The following ANOS1 variants were observed in gnomAD, a reference collection of about 807,000 sequenced individuals.
ANOS1 encodes the protein anosmin-1.
A neutral mutation model predicts 59.0 loss-of-function variants in ANOS1; 6 were observed. That is an observed-to-expected ratio of 0.10 (90% CI 0.06 to 0.20). The LOEUF (loss-of-function observed/expected upper bound fraction) is 0.20, where lower values mean the gene tolerates loss of function less well. ANOS1 is among the 10% of genes least tolerant of loss of function. The probability of loss-of-function intolerance (pLI) is 1.00; values close to 1 mark genes in which losing one functional copy is unlikely to be tolerated. For missense variants in ANOS1, 433 were observed against 542.3 expected, an observed-to-expected ratio of 0.80 and a Z score of 2.00; for synonymous variants, 217 against 223.4, an observed-to-expected ratio of 0.97 and a Z score of 0.25.
intron 1 of ANOS1, among the ~76,000 whole-genome samples, chrX:8,728,544 A>C (rs1055036336): frequency 9.0e-6 from 1 of 111,112 alleles, no homozygotes; most frequent in African/African-American, 3.3e-5. Flanking sequence ...ACAGCCCCAA[A>C]GCCCACTTCC....
At chrX:8,622,230 G>A (rs1418841915) in intron 3 of ANOS1, among the ~76,000 whole-genome samples, 2 of 111,606 alleles carry the variant, frequency 1.8e-5, no homozygotes, top group African/African-American at 3.3e-5. Flanking sequence ...CAAGCCATTC[G>A]TCTGAGGAGC....
intron 2 of ANOS1, among the ~76,000 whole-genome samples, chrX:8,674,061 A>G (rs935127179): frequency 8.9e-6 from 1 of 112,036 alleles, no homozygotes; most frequent in Non-Finnish European, 1.9e-5. Flanking sequence ...AAACTTCCCC[A>G]GCTCCCAAGA....
chrX:8,719,255 A>G (rs1932859674), intron 1 of ANOS1, among the ~76,000 whole-genome samples: 1 of 112,534 alleles, frequency 8.9e-6, no homozygotes, highest in Non-Finnish European at 1.9e-5. Context: ...ATTTCAGAAG[A>G]GTGTCATTAC....
chrX:8,689,362 G>A (rs954216218), intron 2 of ANOS1, among the ~76,000 whole-genome samples: 2 of 109,557 alleles, frequency 1.8e-5, no homozygotes, highest in Non-Finnish European at 3.8e-5. Context: ...CATGCCACAC[G>A]TCCAGCCCTA....
chrX:8,670,225 A>G (rs1022588473), intron 2 of ANOS1, among the ~76,000 whole-genome samples: 9 of 111,323 alleles, frequency 8.1e-5, no homozygotes, highest in African/African-American at 2.6e-4. Flanking sequence ...TAAAGTATCT[A>G]TCAGCATAGT....
At chrX:8,632,199 G>A (rs1399711547) in intron 2 of ANOS1, among the ~76,000 whole-genome samples, 2 of 111,938 alleles carry the variant, frequency 1.8e-5, no homozygotes, top group Non-Finnish European at 3.8e-5. Flanking sequence ...CTGACCCAGA[G>A]GAGAATCCCT....
chrX:8,701,132 T>G (rs1286944965), intron 1 of ANOS1, among the ~76,000 whole-genome samples: 5 of 111,278 alleles, frequency 4.5e-5, no homozygotes, highest in Non-Finnish European at 1.9e-5. Context: ...ATCTTTTAAG[T>G]CAGGTTATGC....
At chrX:8,635,333 A>G (rs1427130844) in intron 2 of ANOS1, among the ~76,000 whole-genome samples, 2 of 112,121 alleles carry the variant, frequency 1.8e-5, no homozygotes, top group Middle Eastern at 4.6e-3. Flanking sequence ...CTAGATAAGT[A>G]TTAGTTTTCA....
chrX:8,546,001 G>A (rs777276603), intron 9 of ANOS1, among the ~76,000 whole-genome samples: 1 of 112,044 alleles, frequency 8.9e-6, no homozygotes, highest in Non-Finnish European at 1.9e-5. Flanking sequence ...GGTCTATTGA[G>A]TTTCATACAG....
intron 1 of ANOS1, among the ~76,000 whole-genome samples, chrX:8,712,346 A>G (rs1311880470): frequency 1.8e-5 from 2 of 111,917 alleles, no homozygotes; most frequent in African/African-American, 6.5e-5. Flanking sequence ...TCAATTAATC[A>G]CATCTCTAAC....
chrX:8,723,839 C>T (rs1384999563), intron 1 of ANOS1, among the ~76,000 whole-genome samples: 6 of 111,626 alleles, frequency 5.4e-5, no homozygotes, highest in African/African-American at 2.0e-4. Context: ...CTTCCTAGAC[C>T]TGCCATGTAG....
At chrX:8,649,179 T>C (rs1456805875) in intron 2 of ANOS1, among the ~76,000 whole-genome samples, 2 of 111,690 alleles carry the variant, frequency 1.8e-5, no homozygotes, top group Admixed American at 9.5e-5. Context: ...ACCTCCAAGA[T>C]GTTTCATAAA....
At chrX:8,596,664 G>C (rs1301514797) in intron 4 of ANOS1, among the ~76,000 whole-genome samples, 2 of 111,680 alleles carry the variant, frequency 1.8e-5, no homozygotes, top group Non-Finnish European at 3.8e-5. Context: ...CATTTTTCAA[G>C]TGTGCTTCAT....
chrX:8,704,575 G>A (rs916535590), intron 1 of ANOS1, among the ~76,000 whole-genome samples: 1 of 112,247 alleles, frequency 8.9e-6, no homozygotes, highest in Non-Finnish European at 1.9e-5. Flanking sequence ...TTCATTTCAA[G>A]CAAAATTTTC....
intron 9 of ANOS1, among the ~76,000 whole-genome samples, chrX:8,546,789 G>A (rs974806693): frequency 8.9e-6 from 1 of 111,822 alleles, no homozygotes; most frequent in Non-Finnish European, 1.9e-5. Context: ...TTTGTTAGTC[G>A]AAGTACTGTT....
intron 4 of ANOS1, among the ~76,000 whole-genome samples, chrX:8,593,165 G>C (rs1258769846): frequency 8.9e-6 from 1 of 111,881 alleles, no homozygotes; most frequent in Non-Finnish European, 1.9e-5. Flanking sequence ...TTAAAGGTTA[G>C]AAAAACAATT....
intron 3 of ANOS1, among the ~76,000 whole-genome samples, chrX:8,612,455 C>G (rs1160424061): frequency 9.3e-6 from 1 of 107,552 alleles, no homozygotes; most frequent in Admixed American, 1.0e-4. Flanking sequence ...GAGAGTCAAA[C>G]TAATCAAAAT....
At chrX:8,539,028 T>C (rs12011684) in intron 10 of ANOS1, among the ~76,000 whole-genome samples, 170 of 112,175 alleles carry the variant, frequency 1.5e-3, no homozygotes, top group African/African-American at 5.2e-3. Context: ...ATACACTGTA[T>C]AATAAAATGA....
intron 10 of ANOS1, 79 bp downstream of exon 10, chrX:8,539,584 CT>C (rs1929648393): frequency 8.4e-7 from 1 of 1,194,799 alleles, no homozygotes; most frequent in South Asian, 1.8e-5. Flanking sequence ...AATGAGTTAT[CT>C]GTTTGACCTG....
Sources: gnomAD v4.1 joint callset for allele counts (sites outside exome capture counted in the v4.1 genomes callset) on GRCh38, gnomAD v4.1.1 for gene constraint, MANE v1.5 for transcripts, NCBI Gene and HGNC (gene_info 2026-07-23, HGNC 2026-07-21) for gene names.